Variants in LRRK1 observed in about 807,000 individuals in gnomAD.
LRRK1 encodes leucine rich repeat kinase 1, also known as leucine-rich repeat serine/threonine-protein kinase 1.
LRRK1 carries 113 observed loss-of-function variants against 209.1 expected under a neutral mutation model. That is an observed-to-expected ratio of 0.54 (90% CI 0.46 to 0.63). The LOEUF is 0.63. Ranked by LOEUF, LRRK1 falls within the 30% of genes least tolerant of loss-of-function variation. LRRK1 has a pLI of 0.00. For synonymous variants in LRRK1, 1,144 were observed against 1,099.7 expected (o/e 1.04, Z -0.80); for missense variants, 2,284 against 2,632.2 (o/e 0.87, Z 2.89).
intron 2 of LRRK1, among the ~76,000 whole-genome samples, chr15:100,947,910 A>G (rs994370576): frequency 2.0e-5 from 3 of 152,374 alleles, no homozygotes; most frequent in African/African-American, 7.2e-5. Flanking sequence ...GAGCTGCTCC[A>G]TGACCTTTGT....
At chr15:100,939,454 A>G (rs562441230) in intron 2 of LRRK1, among the ~76,000 whole-genome samples, 18 of 152,356 alleles carry the variant, frequency 1.2e-4, no homozygotes, top group African/African-American at 4.3e-4. Flanking sequence ...AAAAATGCCC[A>G]ATAGATGGTG....
At chr15:100,959,235 G>A (rs1383665387) in intron 2 of LRRK1, among the ~76,000 whole-genome samples, 4 of 152,202 alleles carry the variant, frequency 2.6e-5, no homozygotes, top group African/African-American at 9.6e-5. Context: ...TATGCAGAGA[G>A]CTCTGGACGG....
intron 2 of LRRK1, among the ~76,000 whole-genome samples, chr15:100,962,916 C>T (rs573370429): frequency 3.5e-5 from 5 of 143,340 alleles, no homozygotes; most frequent in South Asian, 4.6e-4. Flanking sequence ...CTCTACCTCC[C>T]GAGTTCAAGC....
At chr15:101,049,615 A>G in intron 22 of LRRK1, 29 bp from the exon 23 acceptor site, 2 of 1,609,264 alleles carry the variant, frequency 1.2e-6, no homozygotes, top group South Asian at 1.1e-5. Context: ...CCAGATCGCA[A>G]TGGGCTCCTT....
intron 27 of LRRK1, 50 bp downstream of exon 27, chr15:101,055,273 C>A: frequency 6.7e-7 from 1 of 1,482,954 alleles, no homozygotes; most frequent in Non-Finnish European, 8.9e-7. Context: ...GAGCCCAGCC[C>A]TCAGGCTAGC....
chr15:101,034,579 T>C (rs1396454079), intron 20 of LRRK1, among the ~76,000 whole-genome samples: 2 of 152,222 alleles, frequency 1.3e-5, no homozygotes, highest in Non-Finnish European at 2.9e-5. Context: ...TGTGGATTTA[T>C]TTCTGGGTTC....
chr15:101,011,576 C>T (rs1192825820), intron 9 of LRRK1, among the ~76,000 whole-genome samples: 1 of 115,804 alleles, frequency 8.6e-6, no homozygotes. Context: ...GATGGAATAG[C>T]ATGAAGAATG....
At chr15:100,970,383 T>C (rs994689092) in intron 2 of LRRK1, among the ~76,000 whole-genome samples, 6 of 152,202 alleles carry the variant, frequency 3.9e-5, no homozygotes, top group Admixed American at 1.3e-4. Flanking sequence ...GTTCCAGCAC[T>C]TTTTACTGAA....
At chr15:100,949,595 T>C (rs1325484077) in intron 2 of LRRK1, among the ~76,000 whole-genome samples, 1 of 152,104 alleles carries the variant, frequency 6.6e-6, no homozygotes, top group Non-Finnish European at 1.5e-5. Flanking sequence ...GACCACTACC[T>C]CTTTCAAATA....
At position 100,983,595 on chromosome 15, in the gene LRRK1, G is replaced by A. The variant is rs575177605; in HGVS notation, c.329G>A (p.Arg110Lys). Residue 110 changes from arginine to lysine, a missense_variant, in exon 4 of 34, where the codon AGA becomes AAA. Physicochemically the swap from Arg to Lys is conservative, Grantham distance 26 (BLOSUM62 2). Transcript: ENST00000388948. ...LEMVRYLLSKRLVELPTEPTD... is the reference protein window; with the variant it reads ...LEMVRYLLSKKLVELPTEPTD... ...ATGGTCCGCTACCTACTCAGCAAGA[G>A]ACTGGTGGAGCTGCCCACCGAGCCC... is the stretch of plus-strand genomic sequence containing the variant. 4 of 1,612,316 alleles carry A rather than the reference G, an allele frequency of 2.5e-6. No individual in the cohort carries two copies. In the East Asian group the frequency reaches 8.9e-5, roughly 36 times the overall value.
In LRRK1 at chr15:101,067,421, ATGTGTGTGTGTGTGTG is replaced by A. The variant is rs57333844; in HGVS notation, c.5870+708_5870+723del. ...CCCCTACGAAAAGTCCTCAGTTCAAATGTGTGTGTGTGTGTGTGTGTGTGTGTGTGTGTGTGTGTGT... is the reference window on the plus strand; with the variant it reads ...CCCCTACGAAAAGTCCTCAGTTCAAATGTGTGTGTGTGTGTGTGTGTGTGT... On this transcript the variant is annotated intron_variant, in intron 33 of 33. Transcript: ENST00000388948. 6.9e-3 allele frequency: 2,043 copies of A among 296,482 alleles called. 11 individuals are homozygous for A. The highest frequency in any genetic ancestry group is 0.015 in the Admixed American group (458 of 30,228). The allele number at this position is 296,482 out of a possible 1,614,324, so 18.4% of individuals were successfully genotyped here.
rs375832842 is a variant in LRRK1 at position 100,966,203 on chromosome 15, A to T, written c.98-7601A>T. On this transcript the variant is annotated intron_variant, in intron 2 of 33. Coordinates refer to ENST00000388948, the MANE Select transcript of LRRK1 (RefSeq NM_024652.6). ...CAAAACAATAGTATTTTGGAGAAAAAAATGACTAAATAAGTATTATCTCTA... is the reference window on the plus strand; with the variant it reads ...CAAAACAATAGTATTTTGGAGAAAATAATGACTAAATAAGTATTATCTCTA... Among the ~76,000 whole-genome samples, 35 of 152,364 alleles carry T rather than the reference A, an allele frequency of 2.3e-4. 1 individual carries two copies. The East Asian group carries it at 5.8e-3, about 25-fold the overall frequency.
chr15:101,012,271 A>T (rs1463566516), intron 10 of LRRK1, 126 bp downstream of exon 10: 1 of 944,828 alleles, frequency 1.1e-6, no homozygotes, highest in South Asian at 1.7e-5. Flanking sequence ...ATGAAGAAAA[A>T]GTTCAGCTAT....
chr15:101,015,265 A>C (rs1310015923), intron 11 of LRRK1, 61 bp from the exon 12 acceptor site: 1 of 1,342,648 alleles, frequency 7.4e-7, no homozygotes, highest in African/African-American at 1.4e-5. Context: ...ATAACATCAC[A>C]GCCAAAAGTA....
rs772954842 is a variant in LRRK1, at chr15:101,024,970, G to A, written c.2232+3G>A. 6.2e-7 allele frequency: 1 copy of A among 1,611,968 alleles called. No individual in the cohort carries two copies. The highest frequency in any genetic ancestry group is 1.1e-5 in the South Asian group (1 of 91,030). ...AGTTCTGGCTGCTCAACATCGAGGT[G>A]AGGACACCAGACGCCAGCCCTGCCA... On this transcript the variant is annotated splice_donor_region_variant and intron_variant, in intron 16 of 33. Coordinates refer to ENST00000388948, the MANE Select transcript of LRRK1 (RefSeq NM_024652.6). The surrounding 1 kb of genome is among the most constrained non-coding windows in gnomAD (Gnocchi z 4.6).
At chr15:100,995,019 C>T (rs2032335526) in intron 6 of LRRK1, among the ~76,000 whole-genome samples, 1 of 152,194 alleles carries the variant, frequency 6.6e-6, no homozygotes, top group African/African-American at 2.4e-5. Context: ...GACACATGGT[C>T]TGAAAAGGCC....
At chr15:100,962,158 A>AT (rs34550019) in intron 2 of LRRK1, among the ~76,000 whole-genome samples, 22,906 of 151,732 alleles carry the variant, frequency 0.15, 2,245 homozygotes, top group East Asian at 0.46. Flanking sequence ...TCATCTTTTA[A>AT]TTTTTTTTTC....
At chr15:100,962,823 A>ATATATATT in intron 2 of LRRK1, among the ~76,000 whole-genome samples, 1 of 11,548 alleles carries the variant, frequency 8.7e-5, no homozygotes, top group African/African-American at 2.5e-4. Flanking sequence ...ATATATATAT[A>ATATATATT]TTTTTTTTTT....
chr15:100,945,579 C>T (rs887706277), intron 2 of LRRK1, among the ~76,000 whole-genome samples: 1 of 147,842 alleles, frequency 6.8e-6, no homozygotes, highest in East Asian at 2.0e-4. Flanking sequence ...CTGCAACCTC[C>T]GCCTCCTGGG....
Sources: allele counts gnomAD v4.1 joint callset (sites outside exome capture counted in the v4.1 genomes callset), GRCh38; gene constraint gnomAD v4.1.1; non-coding constraint Gnocchi (gnomAD v3.1); transcripts MANE v1.5; gene names NCBI Gene and HGNC (gene_info 2026-07-23, HGNC 2026-07-21).